ALMS1: variants seen among roughly 807,000 people sequenced by gnomAD.
ALMS1 encodes the protein centrosome-associated protein ALMS1.
ALMS1 carries 271 observed loss-of-function variants against 352.2 expected under a neutral mutation model. The ratio of observed to expected loss-of-function variants is 0.77; its 90% CI spans 0.70 to 0.85. The LOEUF (loss-of-function observed/expected upper bound fraction) is 0.85. Among genes scored for constraint, ALMS1 ranks in the 40% least tolerant of loss-of-function variants. The pLI, the probability that ALMS1 is intolerant of heterozygous loss-of-function variation, is 0.00. For missense variants in ALMS1, 5,445 were observed against 4,870.7 expected, an observed-to-expected ratio of 1.12 and a Z score of -3.51; for synonymous variants, 1,865 against 1,761.2, an observed-to-expected ratio of 1.06 and a Z score of -1.48.
intron 9 of ALMS1, among the ~76,000 whole-genome samples, chr2:73,460,679 C>T (rs1056577565): frequency 2.0e-5 from 3 of 152,224 alleles, no homozygotes; most frequent in African/African-American, 7.2e-5. Context: ...CAGGGAGTTC[C>T]CTTTCCTAGT....
At chr2:73,460,577 G>A (rs1166869176) in intron 9 of ALMS1, among the ~76,000 whole-genome samples, 2 of 152,184 alleles carry the variant, frequency 1.3e-5, no homozygotes, top group Non-Finnish European at 2.9e-5. Context: ...ACTAGGGAGT[G>A]CCAGACAGTG....
chr2:73,486,294 G>C (rs900867550), intron 9 of ALMS1, among the ~76,000 whole-genome samples: 1 of 152,136 alleles, frequency 6.6e-6, no homozygotes, highest in African/African-American at 2.4e-5. Context: ...GGATAGTCTA[G>C]GTAGGCTTCG....
intron 1 of ALMS1, among the ~76,000 whole-genome samples, chr2:73,401,011 T>G (rs1398227924): frequency 6.6e-6 from 1 of 152,192 alleles, no homozygotes; most frequent in Non-Finnish European, 1.5e-5. Flanking sequence ...GGTCTCAAAC[T>G]CCTGGCCTCA....
intron 12 of ALMS1, among the ~76,000 whole-genome samples, chr2:73,538,284 C>G (rs1385350755): frequency 6.6e-6 from 1 of 152,056 alleles, no homozygotes; most frequent in Non-Finnish European, 1.5e-5. Flanking sequence ...GTGCAAATAG[C>G]CAATAAACAC....
At position 73,424,647 on chromosome 2, in the gene ALMS1, G is replaced by A; in HGVS notation, c.982G>A (p.Asp328Asn). ...TAATGAAGAGACTATTTCGTCTGTT[G>A]ATGAACTGAAAATTCCCAAAGACTG... ...GNNEETISSV[D>N]ELKIPKDCDR... Residue 328 changes from aspartate (D) to asparagine (N), a missense_variant, in exon 5 of 23, where the codon GAT becomes AAT. Asp to Asn is a conservative substitution (Grantham distance 23, BLOSUM62 1). Coordinates refer to ENST00000613296, the MANE Select transcript of ALMS1 (RefSeq NM_001378454.1). 1 of 1,614,002 alleles carries A rather than the reference G, an allele frequency of 6.2e-7. No individual in the cohort carries two copies. Among genetic ancestry groups the A allele is most frequent in the Non-Finnish European group, 8.5e-7 (1 of 1,179,984 alleles).
intron 7 of ALMS1, among the ~76,000 whole-genome samples, chr2:73,445,555 C>T (rs1198957166): frequency 1.4e-4 from 22 of 152,084 alleles, no homozygotes; most frequent in Non-Finnish European, 1.5e-5. Context: ...TGGAATTGTA[C>T]CTCATTTTGT....
intron 9 of ALMS1, among the ~76,000 whole-genome samples, chr2:73,463,598 AATC>A (rs1345779129): frequency 7.9e-6 from 1 of 127,210 alleles, no homozygotes; most frequent in Non-Finnish European, 1.7e-5. Context: ...AAATAACTAA[AATC>A]AGAGCAGAAC....
intron 16 of ALMS1, among the ~76,000 whole-genome samples, chr2:73,594,242 CTCTG>C (rs755627147): frequency 7.3e-6 from 1 of 136,200 alleles, no homozygotes; most frequent in African/African-American, 3.3e-5. Context: ...TTGTTTTTGT[CTCTG>C]TCTTTGATTG....
intron 15 of ALMS1, among the ~76,000 whole-genome samples, chr2:73,564,126 T>G (rs1446046122): frequency 6.6e-6 from 1 of 151,546 alleles, no homozygotes; most frequent in Non-Finnish European, 1.5e-5. Flanking sequence ...CAAAAGACCA[T>G]AGAAAATTTT....
chr2:73,391,798 A>T (rs1202325969), intron 1 of ALMS1, among the ~76,000 whole-genome samples: 1 of 152,230 alleles, frequency 6.6e-6, no homozygotes, highest in African/African-American at 2.4e-5. Flanking sequence ...TTTTCATAAA[A>T]GGTACTTGGA....
chr2:73,595,418 G>T (rs1675524954), intron 16 of ALMS1, among the ~76,000 whole-genome samples: 1 of 152,164 alleles, frequency 6.6e-6, no homozygotes, highest in Non-Finnish European at 1.5e-5. Flanking sequence ...TTTTGCATCT[G>T]CCTTTTTTTG....
chr2:73,386,969 G>A (rs921154785), intron 1 of ALMS1, among the ~76,000 whole-genome samples: 3 of 152,150 alleles, frequency 2.0e-5, no homozygotes, highest in Non-Finnish European at 4.4e-5. Context: ...ACATCTTAAA[G>A]AGAAAACTAT....
intron 2 of ALMS1, among the ~76,000 whole-genome samples, chr2:73,418,384 A>G (rs1179981502): frequency 6.6e-6 from 1 of 152,220 alleles, no homozygotes; most frequent in East Asian, 1.9e-4. Context: ...AAATTCAGTC[A>G]AGTGAATTCC....
intron 9 of ALMS1, among the ~76,000 whole-genome samples, chr2:73,477,145 T>A (rs371120670): frequency 2.0e-5 from 3 of 152,218 alleles, no homozygotes; most frequent in Admixed American, 6.5e-5. Context: ...AACTTTTACT[T>A]TTGTTGCCTT....
intron 2 of ALMS1, among the ~76,000 whole-genome samples, chr2:73,414,982 C>T (rs1342153275): frequency 6.6e-6 from 1 of 152,194 alleles, no homozygotes; most frequent in Non-Finnish European, 1.5e-5. Flanking sequence ...TACCCCTATA[C>T]ACATTTAGTT....
chr2:73,578,888 T>TGCCTTATTTCTATGTATATGCCTTAA (rs1351118471), intron 16 of ALMS1, among the ~76,000 whole-genome samples: 4 of 152,030 alleles, frequency 2.6e-5, no homozygotes, highest in Non-Finnish European at 4.4e-5. Flanking sequence ...TTATTTCTTA[T>TGCCTTATTTCTATGTATATGCCTTAA]GCCTTATTTC....
intron 9 of ALMS1, among the ~76,000 whole-genome samples, chr2:73,473,679 C>G (rs1166120336): frequency 6.7e-6 from 1 of 149,974 alleles, no homozygotes; most frequent in Non-Finnish European, 1.5e-5. Context: ...AAAGAAATAT[C>G]GACAAAGAGA....
chr2:73,573,470 T>A, intron 16 of ALMS1, 46 bp downstream of exon 16: 1 of 1,600,504 alleles, frequency 6.2e-7, no homozygotes, highest in Non-Finnish European at 8.5e-7. Flanking sequence ...GCCCTCTTCA[T>A]GGACTTTTTA....
intron 1 of ALMS1, among the ~76,000 whole-genome samples, chr2:73,394,778 A>T (rs1380255421): frequency 6.6e-6 from 1 of 152,074 alleles, no homozygotes; most frequent in Admixed American, 6.6e-5. Flanking sequence ...TAGTGTACGT[A>T]CACAAACCTA....
Sources: allele counts gnomAD v4.1 joint callset (sites outside exome capture counted in the v4.1 genomes callset), GRCh38; gene constraint gnomAD v4.1.1; transcripts MANE v1.5; gene names NCBI Gene and HGNC (gene_info 2026-07-23, HGNC 2026-07-21).